CAB39L: variants seen among roughly 807,000 people sequenced by gnomAD.
The protein encoded by CAB39L is calcium-binding protein 39-like.
A neutral mutation model predicts 39.1 loss-of-function variants in CAB39L; 23 were observed. The ratio of observed to expected loss-of-function variants is 0.59; its 90% CI spans 0.42 to 0.83. The LOEUF (loss-of-function observed/expected upper bound fraction) is 0.83. Among genes scored for constraint, CAB39L ranks in the 40% least tolerant of loss-of-function variants. CAB39L has a pLI of 0.00. For synonymous variants in CAB39L, 126 were observed against 137.2 expected (o/e 0.92, Z 0.57); for missense variants, 366 against 391.9 (o/e 0.93, Z 0.56).
At chr13:49,347,669 G>A (rs1955218534) in intron 7 of CAB39L, among the ~76,000 whole-genome samples, 1 of 152,026 alleles carries the variant, frequency 6.6e-6, no homozygotes, top group Non-Finnish European at 1.5e-5. Context: ...ATGCAACCGA[G>A]GCCTATCTCA....
At chr13:49,406,767 A>G (rs1956889897) in intron 3 of CAB39L, among the ~76,000 whole-genome samples, 1 of 152,168 alleles carries the variant, frequency 6.6e-6, no homozygotes, top group Non-Finnish European at 1.5e-5. Flanking sequence ...ATTCACCTTC[A>G]CTTATACCAC....
intron 3 of CAB39L, among the ~76,000 whole-genome samples, chr13:49,397,491 T>C (rs1027428498): frequency 1.3e-5 from 2 of 152,116 alleles, no homozygotes; most frequent in African/African-American, 4.8e-5. Context: ...TTACTCTTTA[T>C]TTCTAATGTA....
At chr13:49,360,703 T>C (rs1446301056) in intron 5 of CAB39L, among the ~76,000 whole-genome samples, 1 of 152,092 alleles carries the variant, frequency 6.6e-6, no homozygotes, top group Non-Finnish European at 1.5e-5. Context: ...TGGTGCGAGG[T>C]GATTGGATCA....
At chr13:49,341,888 T>C (rs1955019406) in intron 8 of CAB39L, among the ~76,000 whole-genome samples, 1 of 152,140 alleles carries the variant, frequency 6.6e-6, no homozygotes, top group African/African-American at 2.4e-5. Context: ...AAAATCATCC[T>C]CCCCTCACAT....
At chr13:49,376,891 G>GTAGGTAGA in intron 5 of CAB39L, 76 bp downstream of exon 5, 1 of 786,904 alleles carries the variant, frequency 1.3e-6, no homozygotes, top group Admixed American at 2.6e-5. Context: ...AAGTTGAATA[G>GTAGGTAGA]TAGATAGATA....
At chr13:49,392,753 A>G (rs929290362) in intron 3 of CAB39L, among the ~76,000 whole-genome samples, 7 of 152,184 alleles carry the variant, frequency 4.6e-5, no homozygotes, top group Non-Finnish European at 1.0e-4. Context: ...AGTGATCTAC[A>G]TTATTTTCAG....
At chr13:49,344,092 T>C (rs904017054) in intron 8 of CAB39L, 87 bp downstream of exon 8, 12 of 801,306 alleles carry the variant, frequency 1.5e-5, no homozygotes, top group Non-Finnish European at 2.4e-5. Flanking sequence ...ATTTCTCTTG[T>C]GGATAATTCA....
chr13:49,317,082 T>C (rs1299476274), intron 10 of CAB39L, among the ~76,000 whole-genome samples: 1 of 152,050 alleles, frequency 6.6e-6, no homozygotes, highest in Non-Finnish European at 1.5e-5. Flanking sequence ...TTTTCTGTTG[T>C]TTTAAGCCAT....
chr13:49,334,701 G>A (rs558135753), intron 9 of CAB39L, among the ~76,000 whole-genome samples: 17 of 151,980 alleles, frequency 1.1e-4, no homozygotes, highest in Non-Finnish European at 2.4e-4. Context: ...GTATTGTTGG[G>A]GAAATAAAAG....
chr13:49,413,054 A>C (rs1191934537), intron 3 of CAB39L: 1 of 152,172 alleles, frequency 6.6e-6, no homozygotes, highest in Non-Finnish European at 1.5e-5. Context: ...AGGAATTCAA[A>C]AGAGGTCTGT....
chr13:49,365,175 G>C (rs747930602), intron 5 of CAB39L, among the ~76,000 whole-genome samples: 2 of 152,106 alleles, frequency 1.3e-5, no homozygotes, highest in Non-Finnish European at 2.9e-5. Context: ...TTTTACAAAG[G>C]TGCTGAGAAC....
rs1460693417 is a variant in CAB39L, at chr13:49,433,387, A to G, written c.-101T>C. On this transcript the variant is annotated 5_prime_UTR_variant, in exon 3 of 11. Coordinates refer to ENST00000409308, the MANE Select transcript of CAB39L (RefSeq NM_001079670.3). Reference sequence around the variant, plus strand: ...GCTTTCACCAAAGTCACTGATCACCACAGCTTCTGACAAAAAGAAAAGCTT... The same window carrying G: ...GCTTTCACCAAAGTCACTGATCACCGCAGCTTCTGACAAAAAGAAAAGCTT... The G allele has an allele frequency of 4.4e-6, 2 of 452,576 alleles. No homozygotes were observed. The highest frequency in any genetic ancestry group is 8.8e-6 in the Non-Finnish European group (2 of 226,016). The allele number at this position is 452,576 out of a possible 1,614,324, so 28.0% of individuals were successfully genotyped here.
chr13:49,399,555 G>A (rs1173181912), intron 3 of CAB39L, among the ~76,000 whole-genome samples: 2 of 151,904 alleles, frequency 1.3e-5, no homozygotes, highest in Admixed American at 6.6e-5. Context: ...TATAATAAAC[G>A]CCCAACAGTC....
In CAB39L at chr13:49,402,980, T is replaced by C. The variant is rs1026725255; in HGVS notation, c.-31-20039A>G. Among the ~76,000 whole-genome samples the C allele has an allele frequency of 1.4e-4, 22 of 151,802 alleles. No individual in the cohort carries two copies. The South Asian group carries it at 1.9e-3, about 13-fold the overall frequency. ...AGTACCTTAGGTTATACTCCGAGAG[T>C]TGTAGTATAATTAAAGAAATTCAGA... On this transcript the variant is annotated intron_variant, in intron 3 of 10. Transcript: ENST00000409308.
chr13:49,417,462 A>C (rs1957103303), intron 3 of CAB39L, among the ~76,000 whole-genome samples: 2 of 152,202 alleles, frequency 1.3e-5, no homozygotes, highest in Admixed American at 1.3e-4. Flanking sequence ...ATTTAACACT[A>C]CTGTACCAGA....
At chr13:49,331,292 G>A (rs1403157816) in intron 10 of CAB39L, among the ~76,000 whole-genome samples, 1 of 151,650 alleles carries the variant, frequency 6.6e-6, no homozygotes, top group South Asian at 2.1e-4. Context: ...GGTGAAAATC[G>A]CTTTTACTAA....
intron 8 of CAB39L, among the ~76,000 whole-genome samples, chr13:49,340,533 C>T (rs990631803): frequency 1.5e-4 from 23 of 152,040 alleles, no homozygotes; most frequent in Admixed American, 2.6e-4. Flanking sequence ...TGACAATCAC[C>T]GATAGAGAAT....
chr13:49,347,321 G>A (rs1312952380), intron 7 of CAB39L, among the ~76,000 whole-genome samples: 1 of 152,092 alleles, frequency 6.6e-6, no homozygotes, highest in East Asian at 1.9e-4. Flanking sequence ...ATTAAATTGG[G>A]CTGAATATAT....
chr13:49,358,961 A>T lies in CAB39L; in HGVS notation c.395+753T>A, dbSNP rs562815676. Among the ~76,000 whole-genome samples the T allele has an allele frequency of 2.0e-5, 3 of 152,362 alleles. No homozygotes were observed. In the South Asian group the frequency reaches 6.2e-4, roughly 32 times the overall value. On this transcript the variant is annotated intron_variant, in intron 6 of 10. Transcript: ENST00000409308. ...ATTATTTTGATACAATTAAATATTT[A>T]AAATGTACAAGAGAGAAAATGAACA...
Sources: allele counts gnomAD v4.1 joint callset (sites outside exome capture counted in the v4.1 genomes callset), GRCh38; gene constraint gnomAD v4.1.1; transcripts MANE v1.5; gene names NCBI Gene and HGNC (gene_info 2026-07-23, HGNC 2026-07-21).